NOL10: variants seen among roughly 807,000 people sequenced by gnomAD.
The protein encoded by NOL10 is H_NH0074G24.1.
In NOL10, 58 loss-of-function variants were observed where a neutral mutation model predicts 103.5. The ratio of observed to expected loss-of-function variants is 0.56; its 90% CI spans 0.45 to 0.70. The LOEUF (loss-of-function observed/expected upper bound fraction) is 0.70, where lower values mean the gene tolerates loss of function less well. Ranked by LOEUF, NOL10 falls within the 30% of genes least tolerant of loss-of-function variation. NOL10 has a pLI of 0.00. For synonymous variants in NOL10, 287 were observed against 282.5 expected, an observed-to-expected ratio of 1.02 and a Z score of -0.16; for missense variants, 763 against 807.3, an observed-to-expected ratio of 0.95 and a Z score of 0.67.
intron 8 of NOL10, among the ~76,000 whole-genome samples, chr2:10,664,998 TA>T (rs1298915507): frequency 6.6e-6 from 1 of 152,206 alleles, no homozygotes; most frequent in Non-Finnish European, 1.5e-5. Context: ...TTTGTAATGA[TA>T]AAACAAAAAC....
intron 17 of NOL10, among the ~76,000 whole-genome samples, chr2:10,595,404 G>T (rs900434499): frequency 1.3e-5 from 2 of 151,976 alleles, no homozygotes; most frequent in Non-Finnish European, 2.9e-5. Context: ...CGGCCTTGCA[G>T]GGAGATCCTC....
intron 7 of NOL10, among the ~76,000 whole-genome samples, chr2:10,668,165 T>C (rs188773589): frequency 3.9e-5 from 6 of 152,328 alleles, no homozygotes; most frequent in Non-Finnish European, 7.4e-5. Flanking sequence ...TCCTACTGTG[T>C]TTATCACTAT....
chr2:10,659,565 T>G (rs974341162), intron 9 of NOL10, among the ~76,000 whole-genome samples: 3 of 151,414 alleles, frequency 2.0e-5, no homozygotes, highest in African/African-American at 7.3e-5. Flanking sequence ...ACACCTGTTG[T>G]CCCAGCTACT....
At chr2:10,581,367 A>T (rs2148147225) in intron 19 of NOL10, among the ~76,000 whole-genome samples, 1 of 150,914 alleles carries the variant, frequency 6.6e-6, no homozygotes, top group Non-Finnish European at 1.5e-5. Flanking sequence ...TGCGACTGTG[A>T]AAGGGGAAAG....
At chr2:10,689,428 C>T (rs941852650) in intron 1 of NOL10, among the ~76,000 whole-genome samples, 34 of 152,178 alleles carry the variant, frequency 2.2e-4, no homozygotes, top group African/African-American at 7.7e-4. Context: ...AGCTGATGGC[C>T]ATATGGGGGA....
chr2:10,648,085 C>T lies in NOL10; in HGVS notation c.974-3713G>A, dbSNP rs553861230. Among the ~76,000 whole-genome samples the T allele has an allele frequency of 5.3e-5, 8 of 152,302 alleles. No homozygotes were observed. The South Asian group carries it at 1.0e-3, about 20-fold the overall frequency. On this transcript the variant is annotated intron_variant, in intron 12 of 20. Coordinates refer to ENST00000381685, the MANE Select transcript of NOL10 (RefSeq NM_024894.4). ...GTGCTGTCTCTTCAAGTGCCCTGACCGGCATGGAGCAGCTGCTCACTGTAC... is the reference window on the plus strand; with the variant it reads ...GTGCTGTCTCTTCAAGTGCCCTGACTGGCATGGAGCAGCTGCTCACTGTAC...
At chr2:10,673,422 T>C in intron 5 of NOL10, 98 bp downstream of exon 5, 1 of 729,798 alleles carries the variant, frequency 1.4e-6, no homozygotes, top group Non-Finnish European at 2.1e-6. Context: ...CATTTTAGTT[T>C]AACAATAAAA....
Position 10,676,212 on chromosome 2 carries a change from T to C in NOL10, c.212-341A>G, listed in dbSNP as rs117822423. Reference sequence around the variant, plus strand: ...AAGTATAAAATATTCCCCTATACTGTTGTTGATTAGTATACAATTGATACA... The same window carrying C: ...AAGTATAAAATATTCCCCTATACTGCTGTTGATTAGTATACAATTGATACA... On this transcript the variant is annotated intron_variant, in intron 3 of 20. Transcript: ENST00000381685. Among the ~76,000 whole-genome samples, 80 of 152,358 alleles carry C rather than the reference T, an allele frequency of 5.3e-4. 2 individuals are homozygous for C. The East Asian group carries it at 0.014, about 26-fold the overall frequency.
chr2:10,685,616 T>C (rs369027160), intron 1 of NOL10, among the ~76,000 whole-genome samples: 84 of 151,866 alleles, frequency 5.5e-4, no homozygotes, highest in African/African-American at 1.9e-3. Context: ...TGGGAGACTG[T>C]AGGTCAAATT....
chr2:10,585,215 A>G (rs775103953), intron 19 of NOL10, among the ~76,000 whole-genome samples: 13 of 152,256 alleles, frequency 8.5e-5, no homozygotes, highest in Non-Finnish European at 1.6e-4. Flanking sequence ...ATAGAGCAAG[A>G]CAAAAACAGC....
chr2:10,572,185 T>C lies in NOL10; in HGVS notation c.1953A>G (p.Glu651=). The C allele has an allele frequency of 6.2e-7, 1 of 1,613,914 alleles. No homozygotes were observed. The highest frequency in any genetic ancestry group is 8.5e-7 in the Non-Finnish European group (1 of 1,179,864). ...CAGCCTCCTGTTGCTTCTTCTGCTGTTCAGACTAAAAGAGAAAATGAAATG... is the reference window on the plus strand; with the variant it reads ...CAGCCTCCTGTTGCTTCTTCTGCTGCTCAGACTAAAAGAGAAAATGAAATG... The part of the protein sequence containing the change: ...KQLTFTLKRS[E]QQKKQQEAEK... Residue 651 remains glutamate (E), a synonymous_variant, in exon 21 of 21, where the codon GAA becomes GAG. Coordinates refer to ENST00000381685, the MANE Select transcript of NOL10 (RefSeq NM_024894.4).
intron 11 of NOL10, among the ~76,000 whole-genome samples, chr2:10,656,047 A>G (rs1679827221): frequency 6.6e-6 from 1 of 152,224 alleles, no homozygotes; most frequent in Non-Finnish European, 1.5e-5. Context: ...ATAATAATCC[A>G]CATGATGGAA....
At chr2:10,588,861 T>A (rs1352448266) in intron 19 of NOL10, among the ~76,000 whole-genome samples, 182 bp downstream of exon 19, 1 of 152,218 alleles carries the variant, frequency 6.6e-6, no homozygotes, top group Non-Finnish European at 1.5e-5. Context: ...CCCTCAGGCC[T>A]CCTGGGTGCT....
Position 10,607,304 on chromosome 2 carries a change from C to G in NOL10, c.1034G>C (p.Gly345Ala), listed in dbSNP as rs1355102158. The change falls in exon 14 of 21, where the codon GGT becomes GCT. Residue 345 changes from glycine to alanine, a missense_variant. Coordinates refer to ENST00000381685, the MANE Select transcript of NOL10 (RefSeq NM_024894.4). ...GAAGGAACACCACCGAGGAGCAGGACCCAAAACCTGTTGGTGTTTATGAGA... is the reference window on the plus strand; with the variant it reads ...GAAGGAACACCACCGAGGAGCAGGAGCCAAAACCTGTTGGTGTTTATGAGA... Reference protein sequence around the residue: ...KMGIYYIPVLGPAPRWCSFLD... With the variant: ...KMGIYYIPVLAPAPRWCSFLD... The G allele has an allele frequency of 6.3e-7, 1 of 1,598,674 alleles. No individual in the cohort carries two copies. The highest frequency in any genetic ancestry group is 1.1e-5 in the South Asian group (1 of 87,974).
intron 9 of NOL10, among the ~76,000 whole-genome samples, chr2:10,659,513 C>CA (rs961157089): frequency 1.4e-5 from 2 of 138,582 alleles, no homozygotes; most frequent in African/African-American, 2.6e-5. Context: ...ACCATCTCTA[C>CA]AAAAAATTAA....
intron 13 of NOL10, among the ~76,000 whole-genome samples, chr2:10,633,778 G>T (rs957170008): frequency 1.4e-5 from 2 of 146,832 alleles, no homozygotes; most frequent in African/African-American, 5.0e-5. Flanking sequence ...ATTTATATTT[G>T]TTTTGTTTAT....
At chr2:10,610,710 G>A (rs1301804033) in intron 13 of NOL10, among the ~76,000 whole-genome samples, 1 of 152,222 alleles carries the variant, frequency 6.6e-6, no homozygotes, top group Non-Finnish European at 1.5e-5. Context: ...CTCTGATGTA[G>A]CTACATCACA....
chr2:10,624,000 CT>C (rs1388306863), intron 13 of NOL10, among the ~76,000 whole-genome samples: 2 of 152,118 alleles, frequency 1.3e-5, no homozygotes, highest in African/African-American at 2.4e-5. Flanking sequence ...GGGGACTTCC[CT>C]TTGCCATCAT....
At chr2:10,620,483 G>A (rs902179737) in intron 13 of NOL10, among the ~76,000 whole-genome samples, 1 of 152,072 alleles carries the variant, frequency 6.6e-6, no homozygotes, top group African/African-American at 2.4e-5. Context: ...CACGGAACTA[G>A]GAAATCCTGA....
Sources: allele counts gnomAD v4.1 joint callset (sites outside exome capture counted in the v4.1 genomes callset), GRCh38; gene constraint gnomAD v4.1.1; transcripts MANE v1.5; gene names NCBI Gene and HGNC (gene_info 2026-07-23, HGNC 2026-07-21).